The following CCDC171 variants were observed in gnomAD, a reference collection of about 807,000 sequenced individuals.
CCDC171 encodes the protein coiled-coil domain containing 171, also known as coiled-coil domain-containing protein 171.
A neutral mutation model predicts 168.2 loss-of-function variants in CCDC171; 177 were observed. That is an observed-to-expected ratio of 1.05 (90% CI 0.93 to 1.19). The LOEUF is 1.19. CCDC171 is among the 50% of genes most tolerant of loss of function. The pLI is 0.00. For missense variants in CCDC171, 1,991 were observed against 1,539.0 expected (o/e 1.29, Z -4.91); for synonymous variants, 687 against 540.8 (o/e 1.27, Z -3.75).
intron 4 of CCDC171, among the ~76,000 whole-genome samples, chr9:15,589,318 C>G (rs187461613): frequency 6.6e-6 from 1 of 152,184 alleles, no homozygotes; most frequent in Non-Finnish European, 1.5e-5. Flanking sequence ...GGGATTGACT[C>G]CCAGTAATTG....
chr9:15,666,388 T>A, intron 9 of CCDC171, 65 bp downstream of exon 9: 1 of 1,147,050 alleles, frequency 8.7e-7, no homozygotes, highest in Non-Finnish European at 1.2e-6. Flanking sequence ...ATATAAAATA[T>A]GAATGTATAC....
chr9:15,807,939 T>G (rs7048298), intron 21 of CCDC171, among the ~76,000 whole-genome samples: 82 of 151,818 alleles, frequency 5.4e-4, no homozygotes, highest in African/African-American at 1.9e-3. Flanking sequence ...TTTCTCTTAT[T>G]AGGTTTTTTT....
intron 1 of CCDC171, 58 bp downstream of exon 1, chr9:15,553,360 G>A (rs549749084): frequency 4.6e-4 from 70 of 152,514 alleles, no homozygotes; most frequent in Non-Finnish European, 9.2e-4. Flanking sequence ...GTGTTGAGAG[G>A]GTTGTAGGGG....
chr9:16,058,131 A>T (rs930588635), intron 1 of CCDC171, among the ~76,000 whole-genome samples: 2 of 152,072 alleles, frequency 1.3e-5, no homozygotes, highest in African/African-American at 4.8e-5. Context: ...GGACTATCCA[A>T]AAAAATGAAG....
intron 25 of CCDC171, among the ~76,000 whole-genome samples, chr9:15,956,906 T>C (rs1829852228): frequency 6.6e-6 from 1 of 152,140 alleles, no homozygotes; most frequent in South Asian, 2.1e-4. Context: ...ATTAATGATG[T>C]AATGGAAAAA....
chr9:15,994,227 C>G (rs533658957), intron 3 of CCDC171, among the ~76,000 whole-genome samples: 1 of 152,168 alleles, frequency 6.6e-6, no homozygotes. Flanking sequence ...AAAATGTGGC[C>G]CATATATACC....
At chr9:15,933,909 A>T (rs1466945494) in intron 25 of CCDC171, among the ~76,000 whole-genome samples, 1 of 152,038 alleles carries the variant, frequency 6.6e-6, no homozygotes, top group Admixed American at 6.6e-5. Context: ...AGGATAAGTG[A>T]CAAAAGAAAA....
chr9:15,782,718 T>C (rs1440343663), intron 20 of CCDC171, among the ~76,000 whole-genome samples: 1 of 152,184 alleles, frequency 6.6e-6, no homozygotes, highest in Non-Finnish European at 1.5e-5. Context: ...GGGATGTTAA[T>C]AAATAGAAAT....
chr9:16,050,687 G>C (rs1353937305), intron 1 of CCDC171, among the ~76,000 whole-genome samples: 1 of 152,140 alleles, frequency 6.6e-6, no homozygotes, highest in Non-Finnish European at 1.5e-5. Context: ...TATGAGCATT[G>C]CACATGTCCA....
intron 11 of CCDC171, among the ~76,000 whole-genome samples, chr9:15,706,741 CT>C (rs1279053054): frequency 6.6e-6 from 1 of 152,082 alleles, no homozygotes; most frequent in Non-Finnish European, 1.5e-5. Context: ...GGGTGGTTGA[CT>C]TTCATGTTCA....
intron 8 of CCDC171, among the ~76,000 whole-genome samples, chr9:15,661,134 G>A (rs891058044): frequency 6.6e-6 from 1 of 152,138 alleles, no homozygotes; most frequent in Non-Finnish European, 1.5e-5. Flanking sequence ...CAAAAAATTA[G>A]CCGGGCGTCG....
intron 7 of CCDC171, among the ~76,000 whole-genome samples, chr9:15,634,565 G>A (rs1043546256): frequency 9.9e-5 from 15 of 152,150 alleles, no homozygotes; most frequent in African/African-American, 3.6e-4. Context: ...GGCTAGGGTA[G>A]GGTATTTGTT....
intron 25 of CCDC171, among the ~76,000 whole-genome samples, chr9:15,971,159 TG>T (rs1213620440): frequency 6.6e-6 from 1 of 152,168 alleles, no homozygotes; most frequent in Non-Finnish European, 1.5e-5. Flanking sequence ...ATAAGTAAAA[TG>T]GATAGATTTA....
chr9:15,602,312 A>G (rs926916625), intron 6 of CCDC171, among the ~76,000 whole-genome samples: 3 of 152,170 alleles, frequency 2.0e-5, no homozygotes, highest in African/African-American at 4.8e-5. Context: ...TTTACATACT[A>G]TAATTAGGTG....
intron 24 of CCDC171, among the ~76,000 whole-genome samples, chr9:15,894,280 CGAGTTGTGGGG>C (rs1175239621): frequency 6.6e-6 from 1 of 151,298 alleles, no homozygotes; most frequent in Non-Finnish European, 1.5e-5. Context: ...TTGTTGGGGG[CGAGTTGTGGGG>C]GAAGAGCATC....
intron 18 of CCDC171, among the ~76,000 whole-genome samples, chr9:15,776,891 C>A (rs1463977182): frequency 1.3e-5 from 2 of 152,176 alleles, no homozygotes; most frequent in Admixed American, 1.3e-4. Flanking sequence ...CTGTGCTTGT[C>A]ATTTTACATT....
chr9:15,712,356 T>C (rs1218861445), intron 11 of CCDC171, among the ~76,000 whole-genome samples: 1 of 152,206 alleles, frequency 6.6e-6, no homozygotes, highest in Admixed American at 6.5e-5. Flanking sequence ...CATTCTACTT[T>C]CTTTTCTATG....
downstream of CCDC171, among the ~76,000 whole-genome samples, chr9:15,974,341 C>T (rs1185903717): frequency 6.6e-6 from 1 of 152,152 alleles, no homozygotes; most frequent in Non-Finnish European, 1.5e-5. Context: ...ACCTTAGTGA[C>T]CAATTGCTGC....
the CCDC171 span, among the ~76,000 whole-genome samples, chr9:16,092,645 C>T: frequency 3.8e-4 from 58 of 152,248 alleles, no homozygotes; most frequent in African/African-American, 1.4e-3. Context: ...ACAACTTTTA[C>T]CAGAGCAGTG....
Sources: allele counts gnomAD v4.1 joint callset (sites outside exome capture counted in the v4.1 genomes callset), GRCh38; gene constraint gnomAD v4.1.1; transcripts MANE v1.5; gene names NCBI Gene and HGNC (gene_info 2026-07-23, HGNC 2026-07-21).